The following FCRL4 variants were observed in gnomAD, a reference collection of about 807,000 sequenced individuals.
The protein encoded by FCRL4 is Fc receptor-like protein 4.
A neutral mutation model predicts 64.1 loss-of-function variants in FCRL4; 43 were observed. The ratio of observed to expected loss-of-function variants is 0.67; its 90% CI spans 0.53 to 0.87. The LOEUF (loss-of-function observed/expected upper bound fraction) is 0.87, where lower values mean the gene tolerates loss of function less well. Ranked by LOEUF, FCRL4 falls within the 40% of genes least tolerant of loss-of-function variation. The pLI is 0.00. For synonymous variants in FCRL4, 253 were observed against 239.8 expected, an observed-to-expected ratio of 1.05 and a Z score of -0.51; for missense variants, 656 against 613.5, an observed-to-expected ratio of 1.07 and a Z score of -0.73.
chr1:157,582,223 G>A (rs899641463), intron 6 of FCRL4, among the ~76,000 whole-genome samples: 1 of 152,112 alleles, frequency 6.6e-6, no homozygotes, highest in Admixed American at 6.5e-5. Context: ...ATTTCCATGG[G>A]GTCCGTTCTC....
At chr1:157,596,671 T>C (rs1264839989) in intron 1 of FCRL4, among the ~76,000 whole-genome samples, 1 of 152,240 alleles carries the variant, frequency 6.6e-6, no homozygotes, top group Non-Finnish European at 1.5e-5. Context: ...TTTCAATTAA[T>C]GGCTGCTGTC....
In FCRL4 at chr1:157,587,478, C is replaced by T. The variant is rs1438684483; in HGVS notation, c.645G>A (p.Gln215=). 1 of 1,614,192 alleles carries T rather than the reference C, an allele frequency of 6.2e-7. No homozygotes were observed. The highest frequency in any genetic ancestry group is 8.5e-7 in the Non-Finnish European group (1 of 1,179,998). ...GGGTGTCTGACCGCTCTGGAGGAAGCTGTGTTTCACAGCTCAGGTTTACAG... is the reference window on the plus strand; with the variant it reads ...GGGTGTCTGACCGCTCTGGAGGAAGTTGTGTTTCACAGCTCAGGTTTACAG... ...GNSVNLSCET[Q]LPPERSDTPL... The change falls in exon 5 of 12, where the codon CAG becomes CAA. Residue 215 remains glutamine, a synonymous_variant. Coordinates refer to ENST00000271532, the MANE Select transcript of FCRL4 (RefSeq NM_031282.3).
intron 10 of FCRL4, among the ~76,000 whole-genome samples, chr1:157,576,452 A>G (rs1270345476): frequency 6.6e-6 from 1 of 152,162 alleles, no homozygotes; most frequent in Non-Finnish European, 1.5e-5. Flanking sequence ...CTCTCCCCAG[A>G]ATAATGGTCA....
At position 157,586,189 on chromosome 1, in the gene FCRL4, C is replaced by G. The variant is rs1354525034; in HGVS notation, c.1114G>C (p.Val372Leu). 1.9e-6 allele frequency: 3 copies of G among 1,611,654 alleles called. No homozygotes were observed. Among genetic ancestry groups the G allele is most frequent in the Admixed American group, 1.7e-5 (1 of 59,932 alleles). Residue 372 changes from valine (V) to leucine (L), a missense_variant, in exon 6 of 12, where the codon GTG becomes CTG. Physicochemically the swap from Val to Leu is conservative, Grantham distance 32. Transcript: ENST00000271532. ...TCACCTCTCACAGTGACATTCAGCACCATGCTCTGGACAGGGCCGTAGCTG... is the reference window on the plus strand; with the variant it reads ...TCACCTCTCACAGTGACATTCAGCAGCATGCTCTGGACAGGGCCGTAGCTG... ...DNSYGPVQSM[V>L]LNVTVRETPG...
intron 1 of FCRL4, among the ~76,000 whole-genome samples, chr1:157,597,607 T>A (rs535746257): frequency 2.6e-5 from 4 of 152,236 alleles, no homozygotes; most frequent in Non-Finnish European, 5.9e-5. Context: ...TGGGTCCTCA[T>A]GCTCTGTGAC....
chr1:157,587,010 G>C (rs1295446925), intron 5 of FCRL4, among the ~76,000 whole-genome samples: 1 of 152,100 alleles, frequency 6.6e-6, no homozygotes, highest in Non-Finnish European at 1.5e-5. Context: ...TTCTTGTTTT[G>C]TTTTGTTTTC....
At chr1:157,588,683 C>T (rs1327283325) in intron 3 of FCRL4, among the ~76,000 whole-genome samples, 5 of 152,150 alleles carry the variant, frequency 3.3e-5, no homozygotes, top group East Asian at 1.9e-4. Flanking sequence ...TCCTGTAGTC[C>T]GTGCCCTTGG....
chr1:157,576,727 AG>A (rs1652424539), intron 10 of FCRL4, among the ~76,000 whole-genome samples: 1 of 152,240 alleles, frequency 6.6e-6, no homozygotes, highest in Admixed American at 6.5e-5. Context: ...TGCCATTCAA[AG>A]GGGATCCTGA....
chr1:157,580,419 A>C (rs1652534948), intron 7 of FCRL4, 71 bp from the exon 8 acceptor site: 3 of 1,512,628 alleles, frequency 2.0e-6, no homozygotes, highest in South Asian at 1.1e-5. Context: ...ATGTAACAGG[A>C]GCTATCTAAG....
At position 157,597,919 on chromosome 1, in the gene FCRL4, G is replaced by A. The variant is rs62640948; in HGVS notation, c.26C>T (p.Ala9Val). The A allele has an allele frequency of 4.1e-3, 6,582 of 1,613,222 alleles. 227 individuals carry two copies. In the African/African-American group the frequency reaches 0.074, roughly 18 times the overall value. ...GTCTCCTCCCCATCACTTACCAAAG[G>A]CCAGCAAGGACGCCCACAGCAGCAT... The part of the protein sequence containing the change: MLLWASLL[A>V]FAPVCGQSAA... The change falls in exon 1 of 12, where the codon GCC (alanine) becomes GTC (valine). Residue 9 changes from alanine (A) to valine (V), a missense_variant. Ala to Val is a moderately conservative substitution (Grantham distance 64, BLOSUM62 0). Transcript: ENST00000271532.
chr1:157,593,717 G>A (rs1652891276), intron 2 of FCRL4, among the ~76,000 whole-genome samples: 1 of 152,122 alleles, frequency 6.6e-6, no homozygotes. Context: ...GAAGATTTCT[G>A]AGCTGGGAGG....
In FCRL4 at chr1:157,598,059, T is replaced by C; in HGVS notation, c.-115A>G. 1.4e-6 allele frequency: 1 copy of C among 735,816 alleles called. No homozygotes were observed. The allele number at this position is 735,816 out of a possible 1,614,324, so 45.6% of individuals were successfully genotyped here. A position where few individuals can be genotyped will look rare whatever the true frequency, so the allele number is the denominator to read the frequency against. On this transcript the variant is annotated 5_prime_UTR_variant, in exon 1 of 12. Transcript: ENST00000271532. ...CCAGCAGTGAGCTCAGTAAGCTTCT[T>C]CTCTGCATAAAGCTGATTGAGATAA...
At chr1:157,578,357 G>T in intron 10 of FCRL4, 117 bp downstream of exon 10, 1 of 847,602 alleles carries the variant, frequency 1.2e-6, no homozygotes, top group Non-Finnish European at 1.9e-6. Context: ...TGTCTGCCTT[G>T]TTTACTGATT....
rs754461961 is a variant in FCRL4 at position 157,581,487 on chromosome 1, G to A, written c.1249+44C>T. 6 of 1,543,354 alleles carry A rather than the reference G, an allele frequency of 3.9e-6. No homozygotes were observed. In the African/African-American group the frequency reaches 6.8e-5, roughly 18 times the overall value. On this transcript the variant is annotated intron_variant, in intron 7 of 11. Coordinates refer to ENST00000271532, the MANE Select transcript of FCRL4 (RefSeq NM_031282.3). ...AGGCTGTCTGCATGCTGAGTTCAGG[G>A]GAAGGAACAGGGCAGGAACTGTGGC...
At chr1:157,578,747 G>A (rs1364352545) in intron 9 of FCRL4, 23 bp downstream of exon 9, 2 of 1,608,176 alleles carry the variant, frequency 1.2e-6, no homozygotes, top group Non-Finnish European at 1.7e-6. Context: ...GCCAGGAACA[G>A]CTTCCTAGAA....
In FCRL4 at chr1:157,587,963, G is replaced by A. The variant is rs1652742934; in HGVS notation, c.464C>T (p.Pro155Leu). 4 of 1,612,924 alleles carry A rather than the reference G, an allele frequency of 2.5e-6. No individual in the cohort carries two copies. Among genetic ancestry groups the A allele is most frequent in the South Asian group, 2.2e-5 (2 of 90,900 alleles). Residue 155 changes from proline to leucine, a missense_variant, in exon 4 of 12, where the codon CCA (proline) becomes CTA (leucine). By Grantham distance (98) the Pro-to-Leu change is moderately conservative. Transcript: ENST00000271532. ...GCCATTGTTATTTGAACTTGCTTGT[G>A]GGATAAGAAGATCCCAGCTTTTATT... ...ISNKSWDLLI[P>L]QASSNNNGNY... is the part of the protein sequence containing the mutation.
Position 157,587,455 on chromosome 1 carries a change from G to A in FCRL4, c.668C>T (p.Thr223Ile), listed in dbSNP as rs376748218. 2.7e-5 allele frequency: 44 copies of A among 1,614,132 alleles called. No individual in the cohort carries two copies. The highest frequency in any genetic ancestry group is 1.6e-4 in the Middle Eastern group (1 of 6,084). ...ETQLPPERSD[T>I]PLHFNFFRDG... ...TCTGAAGAAGTTGAAGTGAAGTGGG[G>A]TGTCTGACCGCTCTGGAGGAAGCTG... is the stretch of plus-strand genomic sequence containing the variant. Residue 223 changes from threonine to isoleucine, a missense_variant, in exon 5 of 12, where the codon ACC becomes ATC. Coordinates refer to ENST00000271532, the MANE Select transcript of FCRL4 (RefSeq NM_031282.3).
At chr1:157,585,399 T>C (rs866109487) in intron 6 of FCRL4, among the ~76,000 whole-genome samples, 2 of 137,654 alleles carry the variant, frequency 1.5e-5, no homozygotes, top group African/African-American at 2.9e-5. Context: ...TCTTTCCTTC[T>C]TTCTTTCTTT....
At chr1:157,586,028 G>C in intron 6 of FCRL4, 140 bp downstream of exon 6, 1 of 828,214 alleles carries the variant, frequency 1.2e-6, no homozygotes, top group Admixed American at 2.8e-5. Flanking sequence ...CTATTCTAAT[G>C]GAAGAAATTG....
Sources: allele counts gnomAD v4.1 joint callset (sites outside exome capture counted in the v4.1 genomes callset), GRCh38; gene constraint gnomAD v4.1.1; transcripts MANE v1.5; gene names NCBI Gene and HGNC (gene_info 2026-07-23, HGNC 2026-07-21).